SDK1: variants seen among roughly 807,000 people sequenced by gnomAD.
SDK1 encodes the protein sidekick cell adhesion molecule 1, also known as protein sidekick-1.
Under a neutral mutation model 245.5 loss-of-function variants are expected in SDK1, and 157 were observed. The observed-to-expected ratio is 0.64, with a 90% confidence interval of 0.56 to 0.73. The LOEUF is 0.73. Among genes scored for constraint, SDK1 ranks in the 30% least tolerant of loss-of-function variants. The probability of loss-of-function intolerance (pLI) is 0.00; values close to 1 mark genes in which losing one functional copy is unlikely to be tolerated. For synonymous variants in SDK1, 1,647 were observed against 1,278.5 expected (o/e 1.29, Z -6.15); for missense variants, 3,583 against 3,002.3 (o/e 1.19, Z -4.52).
intron 1 of SDK1, among the ~76,000 whole-genome samples, chr7:3,566,264 G>A (rs1336234297): frequency 3.0e-5 from 4 of 133,214 alleles, no homozygotes; most frequent in South Asian, 2.4e-4. Context: ...TCGCTCTGTC[G>A]CCCAGGCTGG....
chr7:3,469,028 G>C (rs1270692061), intron 1 of SDK1, among the ~76,000 whole-genome samples: 1 of 152,168 alleles, frequency 6.6e-6, no homozygotes, highest in Non-Finnish European at 1.5e-5. Context: ...TTAAAGGCCA[G>C]TTTTTGCTGA....
chr7:3,430,435 A>G (rs1186000970), intron 1 of SDK1, among the ~76,000 whole-genome samples: 2 of 152,300 alleles, frequency 1.3e-5, no homozygotes, highest in African/African-American at 2.4e-5. Flanking sequence ...GAACTCCACT[A>G]GATACTACTC....
chr7:4,251,150 T>C (rs940773898), intron 44 of SDK1, among the ~76,000 whole-genome samples: 2 of 152,192 alleles, frequency 1.3e-5, no homozygotes, highest in Non-Finnish European at 2.9e-5. Flanking sequence ...GGGGGGAAAT[T>C]CCATTGTATG....
At chr7:3,882,192 A>G (rs1307594977) in intron 5 of SDK1, among the ~76,000 whole-genome samples, 11 of 152,104 alleles carry the variant, frequency 7.2e-5, no homozygotes, top group African/African-American at 1.2e-4. Flanking sequence ...TGATTCAGTT[A>G]TCTCCCAGCC....
chr7:3,460,642 T>C (rs533928321), intron 1 of SDK1, among the ~76,000 whole-genome samples: 9 of 152,298 alleles, frequency 5.9e-5, no homozygotes, highest in Middle Eastern at 3.4e-3. Context: ...CCTTATTTTA[T>C]AGGTTCTATA....
intron 19 of SDK1, among the ~76,000 whole-genome samples, chr7:4,061,052 G>T (rs1005880468): frequency 6.6e-6 from 1 of 152,208 alleles, no homozygotes; most frequent in African/African-American, 2.4e-5. Context: ...GAGCCTTGTA[G>T]TATAGTTTGA....
At chr7:4,022,692 T>A (rs1787001553) in intron 17 of SDK1, among the ~76,000 whole-genome samples, 1 of 152,030 alleles carries the variant, frequency 6.6e-6, no homozygotes. Context: ...TTAAGGAAGA[T>A]CAGCAGTATG....
chr7:4,113,315 T>C lies in SDK1; in HGVS notation c.3461T>C (p.Val1154Ala). ...YRFRMKQVNI[V>A]GPSPYSPSSR... is the part of the protein sequence containing the mutation. ...TTTCGAATGAAGCAAGTGAACATTG[T>C]TGGGCCGAGCCCCTACAGTCCGTCT... Residue 1154 changes from valine to alanine, a missense_variant, in exon 24 of 45, where the codon GTT (valine) becomes GCT (alanine). Coordinates refer to ENST00000404826, the MANE Select transcript of SDK1 (RefSeq NM_152744.4). 6.2e-7 allele frequency: 1 copy of C among 1,613,984 alleles called. No homozygotes were observed. The highest frequency in any genetic ancestry group is 8.5e-7 in the Non-Finnish European group (1 of 1,179,990).
At chr7:3,954,071 T>C (rs1781043680) in intron 7 of SDK1, among the ~76,000 whole-genome samples, 1 of 151,564 alleles carries the variant, frequency 6.6e-6, no homozygotes, top group African/African-American at 2.4e-5. Flanking sequence ...TCCTATTACT[T>C]GTATTTTATA....
At chr7:3,829,376 A>C (rs898273619) in intron 5 of SDK1, among the ~76,000 whole-genome samples, 1 of 152,138 alleles carries the variant, frequency 6.6e-6, no homozygotes, top group Non-Finnish European at 1.5e-5. Context: ...AGGCCCTAAC[A>C]TGTCTTGAGA....
intron 1 of SDK1, among the ~76,000 whole-genome samples, chr7:3,405,180 A>AAC (rs1554266701): frequency 1.4e-5 from 2 of 147,250 alleles, no homozygotes; most frequent in Non-Finnish European, 1.5e-5. Context: ...ACAAAAACAA[A>AAC]AACAAAAAAC....
At chr7:3,629,734 C>T (rs1161834360) in intron 2 of SDK1, among the ~76,000 whole-genome samples, 1 of 152,152 alleles carries the variant, frequency 6.6e-6, no homozygotes, top group Non-Finnish European at 1.5e-5. Flanking sequence ...CAAAAATTTC[C>T]AGTACCCAAC....
intron 4 of SDK1, among the ~76,000 whole-genome samples, chr7:3,761,664 C>T (rs1358916872): frequency 1.3e-5 from 2 of 151,476 alleles, no homozygotes; most frequent in Non-Finnish European, 2.9e-5. Context: ...TGCTGGAGCG[C>T]AGAGAACACA....
intron 4 of SDK1, among the ~76,000 whole-genome samples, chr7:3,738,859 A>G (rs901551478): frequency 6.6e-6 from 1 of 151,942 alleles, no homozygotes; most frequent in African/African-American, 2.4e-5. Context: ...ACTGTTGTTC[A>G]TTGTGTTGAT....
rs186608797 is a variant in SDK1, at chr7:3,406,684, G to A, written c.298+104800G>A. Among the ~76,000 whole-genome samples, 694 of 152,240 alleles carry A rather than the reference G, an allele frequency of 4.6e-3. 6 individuals carry two copies. The highest frequency in any genetic ancestry group is 0.016 in the African/African-American group (656 of 41,518). On this transcript the variant is annotated intron_variant, in intron 1 of 44. Coordinates refer to ENST00000404826, the MANE Select transcript of SDK1 (RefSeq NM_152744.4). ...CCTAGTTTTTGGATGTGTTTGACAC[G>A]AGGGGATGTTTAGGGGAAAATAATA... is the stretch of plus-strand genomic sequence containing the variant.
chr7:4,219,791 G>T (rs917602511), intron 38 of SDK1, among the ~76,000 whole-genome samples: 2 of 121,182 alleles, frequency 1.7e-5, no homozygotes, highest in African/African-American at 6.2e-5. Context: ...TGGCAGGACC[G>T]CCCCCCTTCC....
At chr7:3,887,167 CAG>C (rs1203502079) in intron 5 of SDK1, among the ~76,000 whole-genome samples, 2 of 152,140 alleles carry the variant, frequency 1.3e-5, no homozygotes, top group Non-Finnish European at 2.9e-5. Flanking sequence ...TGTGGGTACT[CAG>C]GGGTCCAGGC....
At position 4,149,389 on chromosome 7, in the gene SDK1, A is replaced by C. The variant is rs1054336873; in HGVS notation, c.4551A>C (p.Arg1517=). The part of the protein sequence containing the change: ...SPIRYFTMQV[R]ELPRGEWQTY... ...TCCGGTACTTCACCATGCAGGTGCG[A>C]GAGCTGCCTCGGGGTGAGTGGCAGA... is the stretch of plus-strand genomic sequence containing the variant. Residue 1517 remains arginine (R), a synonymous_variant, in exon 30 of 45, where the codon CGA becomes CGC. Coordinates refer to ENST00000404826, the MANE Select transcript of SDK1 (RefSeq NM_152744.4). The C allele has an allele frequency of 6.3e-7, 1 of 1,586,920 alleles. No homozygotes were observed. The highest frequency in any genetic ancestry group is 8.6e-7 in the Non-Finnish European group (1 of 1,167,598).
At chr7:3,453,044 T>C (rs1780564510) in intron 1 of SDK1, among the ~76,000 whole-genome samples, 1 of 152,204 alleles carries the variant, frequency 6.6e-6, no homozygotes. Flanking sequence ...CTCAGCTCTG[T>C]CCTGCTACCA....
Sources: allele counts gnomAD v4.1 joint callset (sites outside exome capture counted in the v4.1 genomes callset), GRCh38; gene constraint gnomAD v4.1.1; transcripts MANE v1.5; gene names NCBI Gene and HGNC (gene_info 2026-07-23, HGNC 2026-07-21).